Variants in SHTN1 observed in about 807,000 individuals in gnomAD.
SHTN1 encodes the protein shootin 1.
In SHTN1, 42 loss-of-function variants were observed where a neutral mutation model predicts 83.1. The ratio of observed to expected loss-of-function variants is 0.51; its 90% CI spans 0.39 to 0.65. SHTN1 has a LOEUF of 0.65. Among genes scored for constraint, SHTN1 ranks in the 30% least tolerant of loss-of-function variants. The pLI is 0.00. For synonymous variants in SHTN1, 224 were observed against 247.7 expected (o/e 0.90, Z 0.90); for missense variants, 622 against 737.8 (o/e 0.84, Z 1.82).
chr10:116,917,545 C>T (rs974457007), intron 12 of SHTN1, among the ~76,000 whole-genome samples: 1 of 152,132 alleles, frequency 6.6e-6, no homozygotes, highest in Non-Finnish European at 1.5e-5. Flanking sequence ...TTCAAAAAGT[C>T]TGCCATTTTG....
intron 1 of SHTN1, among the ~76,000 whole-genome samples, chr10:117,048,879 G>A (rs1852703754): frequency 6.6e-6 from 1 of 152,152 alleles, no homozygotes; most frequent in Non-Finnish European, 1.5e-5. Flanking sequence ...GGTCAACTAG[G>A]AAGAGACAGT....
intron 1 of SHTN1, among the ~76,000 whole-genome samples, chr10:117,092,439 G>A (rs1253235435): frequency 2.6e-5 from 4 of 152,196 alleles, no homozygotes; most frequent in African/African-American, 9.6e-5. Context: ...TAAATCTGTA[G>A]GAGTAAATCC....
intron 2 of SHTN1, among the ~76,000 whole-genome samples, chr10:117,026,431 T>A (rs1852333922): frequency 6.6e-6 from 1 of 151,994 alleles, no homozygotes; most frequent in Non-Finnish European, 1.5e-5. Context: ...TTCTTTTTTT[T>A]TTTTTTTTGA....
At chr10:117,097,563 C>CA (rs1458798945) in intron 1 of SHTN1, among the ~76,000 whole-genome samples, 1 of 152,094 alleles carries the variant, frequency 6.6e-6, no homozygotes, top group Non-Finnish European at 1.5e-5. Context: ...GATTTTTTGA[C>CA]AGAGTTCACA....
chr10:116,994,643 C>T (rs1851564710), intron 1 of SHTN1, among the ~76,000 whole-genome samples: 1 of 152,076 alleles, frequency 6.6e-6, no homozygotes, highest in African/African-American at 2.4e-5. Context: ...GGTTTTTCTA[C>T]AACTATATGC....
chr10:117,085,724 A>G, intron 1 of SHTN1, among the ~76,000 whole-genome samples: 1 of 152,216 alleles, frequency 6.6e-6, no homozygotes, highest in African/African-American at 2.4e-5. Flanking sequence ...TGTTGAAATC[A>G]GCAACTGTAA....
rs1847073829 is a variant in SHTN1 at position 116,883,253 on chromosome 10, C to T, written c.*3091G>A. ...GTGCTAGGCACTCTTTCTACTTATA[C>T]TTTCTCTCTCTTGTGTTATATAACA... is the stretch of plus-strand genomic sequence containing the variant. On this transcript the variant is annotated 3_prime_UTR_variant, in exon 17 of 17. Transcript: ENST00000355371. 6.6e-6 allele frequency: 1 copy of T among 152,078 alleles called. No individual in the cohort carries two copies. The highest frequency in any genetic ancestry group is 1.5e-5 in the Non-Finnish European group (1 of 68,014). 9.4% of individuals were successfully genotyped at this position (152,078 alleles called of 1,614,324 possible).
At chr10:116,957,105 T>C (rs1850010806) in intron 4 of SHTN1, among the ~76,000 whole-genome samples, 1 of 152,040 alleles carries the variant, frequency 6.6e-6, no homozygotes, top group Non-Finnish European at 1.5e-5. Context: ...TGAGGTCTTA[T>C]GTGCATACTA....
upstream of SHTN1, among the ~76,000 whole-genome samples, chr10:117,008,317 TTAAAG>T (rs1852051560): frequency 6.6e-6 from 1 of 151,886 alleles, no homozygotes; most frequent in African/African-American, 2.4e-5. Context: ...TTTCAGGTAA[TTAAAG>T]TAAAATCACA....
intron 7 of SHTN1, among the ~76,000 whole-genome samples, chr10:116,947,252 A>G (rs1849628449): frequency 6.6e-6 from 1 of 152,132 alleles, no homozygotes; most frequent in Non-Finnish European, 1.5e-5. Context: ...ATACCATTAG[A>G]TATTAGGCAC....
upstream of SHTN1, among the ~76,000 whole-genome samples, chr10:117,007,089 T>C (rs1158717842): frequency 2.0e-5 from 3 of 152,032 alleles, no homozygotes; most frequent in Non-Finnish European, 4.4e-5. Context: ...TTCAGCCCTT[T>C]CCCTAGGTAT....
intron 11 of SHTN1, among the ~76,000 whole-genome samples, chr10:116,923,572 T>C (rs1848637363): frequency 6.6e-6 from 1 of 152,046 alleles, no homozygotes; most frequent in Non-Finnish European, 1.5e-5. Flanking sequence ...TTTTTTTTTT[T>C]TGAGACAGGG....
chr10:117,026,923 T>C lies in SHTN1; in HGVS notation c.-123+21522A>G, dbSNP rs142125023. On this transcript the variant is annotated intron_variant, in intron 2 of 17. Coordinates refer to the SHTN1 transcript ENST00000392901. The stretch of plus-strand genomic sequence containing the variant: ...GCCAGGGAGTGGGTGTAGCAGACCT[T>C]GGGTGAGGAGCAGGCCTATGCTGAC... Among the ~76,000 whole-genome samples, 590 of 152,234 alleles carry C rather than the reference T, an allele frequency of 3.9e-3. 4 individuals carry two copies. The highest frequency in any genetic ancestry group is 0.013 in the African/African-American group (558 of 41,564).
rs1849527989 is a variant in SHTN1 at position 116,945,076 on chromosome 10, A to C, written c.617-58T>G. The C allele has an allele frequency of 4.9e-6, 5 of 1,026,572 alleles. No individual in the cohort carries two copies. In the East Asian group the frequency reaches 9.6e-5, roughly 20 times the overall value. The allele number at this position is 1,026,572 out of a possible 1,614,324, so 63.6% of individuals were successfully genotyped here. ...CAATAAGTCACACAAATAATCAGGA[A>C]TATGGATGAAAAACAGTGTTGAAAA... is the stretch of plus-strand genomic sequence containing the variant. On this transcript the variant is annotated intron_variant, in intron 7 of 16. Coordinates refer to ENST00000355371, the MANE Select transcript of SHTN1 (RefSeq NM_001127211.3).
At chr10:116,886,780 G>A (rs546238950) in intron 16 of SHTN1, among the ~76,000 whole-genome samples, 2 of 152,272 alleles carry the variant, frequency 1.3e-5, no homozygotes, top group East Asian at 3.9e-4. Flanking sequence ...GAAGAAAGAA[G>A]GCAGAGAAAG....
rs996059265 is a variant in SHTN1 at position 116,884,003 on chromosome 10, G to A, written c.*2341C>T. The A allele has an allele frequency of 2.8e-4, 65 of 232,390 alleles. No individual in the cohort carries two copies. The highest frequency in any genetic ancestry group is 5.3e-4 in the Non-Finnish European group (59 of 111,560). The allele number at this position is 232,390 out of a possible 1,614,324, so 14.4% of individuals were successfully genotyped here. On this transcript the variant is annotated 3_prime_UTR_variant, in exon 17 of 17. Transcript: ENST00000355371. Reference sequence around the variant, plus strand: ...CTGTTCCTCACTCGGGCTATAAAATGCATCAACATTCGTTTTTCTTAAAGA... The same window carrying A: ...CTGTTCCTCACTCGGGCTATAAAATACATCAACATTCGTTTTTCTTAAAGA...
At chr10:116,907,335 C>T (rs546226250) in intron 14 of SHTN1, among the ~76,000 whole-genome samples, 2 of 152,280 alleles carry the variant, frequency 1.3e-5, no homozygotes, top group African/African-American at 4.8e-5. Context: ...TATAATCATA[C>T]AGAGAGGCAA....
intron 1 of SHTN1, among the ~76,000 whole-genome samples, chr10:117,095,970 G>A (rs1444723940): frequency 1.3e-5 from 2 of 152,118 alleles, no homozygotes; most frequent in African/African-American, 2.4e-5. Flanking sequence ...ATGTATTTGA[G>A]AACTCACAAC....
intron 1 of SHTN1, chr10:117,048,628 T>A: frequency 4.5e-6 from 1 of 223,494 alleles, no homozygotes; most frequent in Non-Finnish European, 7.5e-6. Flanking sequence ...CAATTATAAC[T>A]AGTTATTCTT....
Sources: gnomAD v4.1 joint callset for allele counts (sites outside exome capture counted in the v4.1 genomes callset) on GRCh38, gnomAD v4.1.1 for gene constraint, MANE v1.5 for transcripts, NCBI Gene and HGNC (gene_info 2026-07-23, HGNC 2026-07-21) for gene names.